MACROD2: variants seen among roughly 807,000 people sequenced by gnomAD.
MACROD2 encodes mono-ADP ribosylhydrolase 2.
A neutral mutation model predicts 70.4 loss-of-function variants in MACROD2; 36 were observed. The observed-to-expected ratio is 0.51, with a 90% CI of 0.39 to 0.68. The LOEUF is 0.68. Ranked by LOEUF, MACROD2 falls within the 30% of genes least tolerant of loss-of-function variation. The pLI is 0.00. For missense variants in MACROD2, 496 were observed against 538.4 expected, an observed-to-expected ratio of 0.92 and a Z score of 0.78; for synonymous variants, 172 against 178.8, an observed-to-expected ratio of 0.96 and a Z score of 0.30.
intron 4 of MACROD2, among the ~76,000 whole-genome samples, chr20:14,649,787 G>C: frequency 1.3e-5 from 2 of 152,176 alleles, no homozygotes; most frequent in Middle Eastern, 6.8e-3. Flanking sequence ...TAAGAATACC[G>C]AGGCTAATAC....
intron 3 of MACROD2, among the ~76,000 whole-genome samples, chr20:14,176,479 T>C (rs2081264239): frequency 6.6e-6 from 1 of 152,190 alleles, no homozygotes; most frequent in African/African-American, 2.4e-5. Flanking sequence ...GATATGAAAG[T>C]ACTTTTCTAA....
At chr20:14,245,722 C>G (rs2122249049) in intron 3 of MACROD2, among the ~76,000 whole-genome samples, 1 of 152,272 alleles carries the variant, frequency 6.6e-6, no homozygotes, top group South Asian at 2.1e-4. Flanking sequence ...TGCTATAACT[C>G]CTACCAACAC....
intron 3 of MACROD2, among the ~76,000 whole-genome samples, chr20:14,132,730 C>G (rs77024960): frequency 0.023 from 3,548 of 152,170 alleles, 41 homozygotes; most frequent in African/African-American, 0.029. Flanking sequence ...CTTGAACCCC[C>G]CAGCCTCAAG....
intron 7 of MACROD2, among the ~76,000 whole-genome samples, 162 bp downstream of exon 7, chr20:15,431,597 C>T (rs952752475): frequency 1.3e-5 from 2 of 152,012 alleles, no homozygotes; most frequent in African/African-American, 4.8e-5. Flanking sequence ...TGAGGCTATT[C>T]AGATTCTTTT....
At chr20:14,077,894 CTT>C (rs58677755) in intron 2 of MACROD2, among the ~76,000 whole-genome samples, 118 of 120,482 alleles carry the variant, frequency 9.8e-4, no homozygotes, top group Middle Eastern at 4.4e-3. Flanking sequence ...AAAGGTTTTT[CTT>C]TTTTTTTTTT....
intron 5 of MACROD2, among the ~76,000 whole-genome samples, chr20:15,121,379 G>A (rs2123249155): frequency 6.6e-6 from 1 of 152,152 alleles, no homozygotes; most frequent in African/African-American, 2.4e-5. Flanking sequence ...TGGGCATGGT[G>A]ATGGATACCT....
chr20:15,573,603 G>A (rs1380515815), intron 8 of MACROD2, among the ~76,000 whole-genome samples: 2 of 152,136 alleles, frequency 1.3e-5, no homozygotes, highest in Non-Finnish European at 2.9e-5. Context: ...CAATTCTATT[G>A]AAGAAGCCTT....
intron 8 of MACROD2, among the ~76,000 whole-genome samples, chr20:15,602,636 A>G (rs1311269059): frequency 6.6e-6 from 1 of 152,192 alleles, no homozygotes; most frequent in Non-Finnish European, 1.5e-5. Flanking sequence ...CAAAAACATC[A>G]TACAAATTGT....
intron 3 of MACROD2, among the ~76,000 whole-genome samples, chr20:14,486,286 G>A (rs114495307): frequency 1.3e-5 from 2 of 152,024 alleles, no homozygotes; most frequent in Admixed American, 1.3e-4. Context: ...GTCCATTCAC[G>A]GTAAGCTTAC....
intron 4 of MACROD2, among the ~76,000 whole-genome samples, chr20:14,580,003 G>A (rs548858369): frequency 4.6e-5 from 7 of 152,238 alleles, no homozygotes; most frequent in South Asian, 2.1e-4. Context: ...AAGACGGAAT[G>A]TTTCATGTCA....
chr20:15,885,430 A>T (rs1464464545), intron 9 of MACROD2, among the ~76,000 whole-genome samples: 2 of 152,298 alleles, frequency 1.3e-5, no homozygotes, highest in Admixed American at 6.5e-5. Context: ...TGTGGCATTT[A>T]AAGTCTGTGA....
At chr20:14,471,133 C>T (rs779853717) in intron 3 of MACROD2, among the ~76,000 whole-genome samples, 1 of 152,118 alleles carries the variant, frequency 6.6e-6, no homozygotes, top group Non-Finnish European at 1.5e-5. Context: ...AATGCACTGT[C>T]CCTCAGGGCA....
At chr20:15,878,244 C>T (rs1448852001) in intron 9 of MACROD2, among the ~76,000 whole-genome samples, 1 of 152,164 alleles carries the variant, frequency 6.6e-6, no homozygotes, top group Non-Finnish European at 1.5e-5. Context: ...TTGGGCACCT[C>T]TTACCACATT....
chr20:14,038,277 G>A (rs1231426810), intron 2 of MACROD2, among the ~76,000 whole-genome samples: 3 of 148,636 alleles, frequency 2.0e-5, no homozygotes, highest in African/African-American at 7.4e-5. Flanking sequence ...CTGGGCCACA[G>A]AGTGAGAGAC....
At chr20:15,170,403 A>G (rs1285875822) in intron 5 of MACROD2, among the ~76,000 whole-genome samples, 1 of 152,216 alleles carries the variant, frequency 6.6e-6, no homozygotes, top group African/African-American at 2.4e-5. Context: ...ACTGAAGCCT[A>G]CAAGGATAAA....
intron 5 of MACROD2, among the ~76,000 whole-genome samples, chr20:14,702,686 T>A (rs1173455877): frequency 7.3e-6 from 1 of 137,856 alleles, no homozygotes; most frequent in East Asian, 2.1e-4. Flanking sequence ...CACATATATG[T>A]GTATATATAT....
chr20:15,678,441 G>C (rs1244633641), intron 8 of MACROD2, among the ~76,000 whole-genome samples: 2 of 151,464 alleles, frequency 1.3e-5, no homozygotes, highest in African/African-American at 4.9e-5. Context: ...CTCACTGCAA[G>C]CTCTGCCTCC....
At chr20:15,601,381 C>CCAT (rs1369155016) in intron 8 of MACROD2, among the ~76,000 whole-genome samples, 4 of 152,080 alleles carry the variant, frequency 2.6e-5, no homozygotes, top group Admixed American at 2.6e-4. Context: ...GCCCATTCAC[C>CCAT]CATCCCAAAT....
chr20:15,047,397 A>G (rs1235511300), intron 5 of MACROD2, among the ~76,000 whole-genome samples: 1 of 152,170 alleles, frequency 6.6e-6, no homozygotes, highest in Non-Finnish European at 1.5e-5. Flanking sequence ...GGCAGCAATC[A>G]TCTGATGCAA....
Sources: gnomAD v4.1 joint callset for allele counts (sites outside exome capture counted in the v4.1 genomes callset) on GRCh38, gnomAD v4.1.1 for gene constraint, MANE v1.5 for transcripts, NCBI Gene and HGNC (gene_info 2026-07-23, HGNC 2026-07-21) for gene names.